Variants in EGF observed in about 807,000 individuals in gnomAD.
EGF encodes the protein pro-epidermal growth factor.
EGF carries 95 observed loss-of-function variants against 143.8 expected under a neutral mutation model. The ratio of observed to expected loss-of-function variants is 0.66; its 90% CI spans 0.56 to 0.78. EGF has a LOEUF of 0.78. EGF is among the 30% of genes least tolerant of loss of function. EGF has a pLI of 0.00. For synonymous variants in EGF, 510 were observed against 510.5 expected (o/e 1.00, Z 0.01); for missense variants, 1,320 against 1,470.9 (o/e 0.90, Z 1.68).
chr4:110,012,727 A>C lies in EGF; in HGVS notation c.*1272A>C, dbSNP rs1754106277. Among the ~76,000 whole-genome samples the C allele has an allele frequency of 6.6e-6, 1 of 152,150 alleles. No individual in the cohort carries two copies. Among genetic ancestry groups the C allele is most frequent in the African/African-American group, 2.4e-5 (1 of 41,430 alleles). On this transcript the variant is annotated 3_prime_UTR_variant, in exon 24 of 24. Transcript: ENST00000265171. ...TGCCCAGCCTTGTAACTTTTAAAAA[A>C]ATTTTTTAATCTACAACTCTGTAGA...
chr4:110,004,479 T>C (rs763565836), intron 21 of EGF, 26 bp from the exon 22 acceptor site: 1 of 1,601,996 alleles, frequency 6.2e-7, no homozygotes, highest in South Asian at 1.1e-5. Flanking sequence ...GTTGTGAGAT[T>C]GTCTCAAATT....
chr4:109,960,667 G>A (rs189719482), intron 6 of EGF, among the ~76,000 whole-genome samples, 200 bp from the exon 7 acceptor site: 1 of 152,222 alleles, frequency 6.6e-6, no homozygotes, highest in Admixed American at 6.5e-5. Flanking sequence ...AGCATAAAAT[G>A]TGACAGAATA....
chr4:109,916,188 A>AGT (rs1736617058), intron 1 of EGF, among the ~76,000 whole-genome samples: 2 of 152,218 alleles, frequency 1.3e-5, no homozygotes, highest in Admixed American at 6.5e-5. Flanking sequence ...CAGTGAAATC[A>AGT]GTGATTTCAG....
chr4:109,959,314 C>T lies in EGF; in HGVS notation c.943C>T (p.Gln315Ter), dbSNP rs1278532957. Residue 315 changes from glutamine (Q) to a stop codon, truncating the protein, a stop_gained and splice_region_variant, in exon 6 of 24, where the codon CAG becomes TAG. Coordinates refer to ENST00000265171, the MANE Select transcript of EGF (RefSeq NM_001963.6). LOFTEE classifies it high-confidence loss of function. ...KAEDDTWEPE[Q>*]KLCKLRKGNC... Reference sequence around the variant, plus strand: ...AAATAAAGCATCTTCTCTTTTAGAGCAGAAACTTTGCAAATTGAGGAAAGG... The same window carrying T: ...AAATAAAGCATCTTCTCTTTTAGAGTAGAAACTTTGCAAATTGAGGAAAGG... 2 of 1,613,920 alleles carry T rather than the reference C, an allele frequency of 1.2e-6. No homozygotes were observed. Among genetic ancestry groups the T allele is most frequent in the Non-Finnish European group, 1.7e-6 (2 of 1,179,866 alleles).
chr4:109,915,861 T>A (rs1475192228), intron 1 of EGF, among the ~76,000 whole-genome samples: 1 of 152,208 alleles, frequency 6.6e-6, no homozygotes, highest in Non-Finnish European at 1.5e-5. Context: ...ATAAACCAAG[T>A]GATAGCAACA....
chr4:109,920,059 T>C (rs1488403117), intron 1 of EGF, among the ~76,000 whole-genome samples: 2 of 151,620 alleles, frequency 1.3e-5, no homozygotes, highest in Admixed American at 1.3e-4. Context: ...TTTAACAAAT[T>C]CATATAGATG....
chr4:109,996,378 CTCA>C (rs1457977591), intron 20 of EGF, among the ~76,000 whole-genome samples: 1 of 152,158 alleles, frequency 6.6e-6, no homozygotes, highest in Non-Finnish European at 1.5e-5. Context: ...GGAGATAAGA[CTCA>C]AATTGAAGGA....
intron 1 of EGF, among the ~76,000 whole-genome samples, chr4:109,927,776 C>T (rs891131152): frequency 6.3e-5 from 9 of 143,896 alleles, no homozygotes; most frequent in African/African-American, 2.4e-4. Context: ...ACTCAGTAGA[C>T]AGATCAGGAT....
intron 1 of EGF, among the ~76,000 whole-genome samples, chr4:109,934,046 A>G (rs950294307): frequency 1.3e-5 from 2 of 152,230 alleles, no homozygotes; most frequent in African/African-American, 2.4e-5. Context: ...CCAACAGTGT[A>G]AAAGTGTTCC....
chr4:109,935,603 G>A (rs1307606235), intron 1 of EGF, among the ~76,000 whole-genome samples: 1 of 152,160 alleles, frequency 6.6e-6, no homozygotes, highest in Non-Finnish European at 1.5e-5. Context: ...GAATAGGAGT[G>A]GTGAGAGAGG....
chr4:109,954,598 G>C (rs988640032), intron 5 of EGF, among the ~76,000 whole-genome samples: 1 of 152,036 alleles, frequency 6.6e-6, no homozygotes, highest in Non-Finnish European at 1.5e-5. Flanking sequence ...AGGAAGTTGA[G>C]GCAGTCATTA....
chr4:110,002,744 A>G (rs1198057267), intron 21 of EGF, among the ~76,000 whole-genome samples: 1 of 151,964 alleles, frequency 6.6e-6, no homozygotes, highest in African/African-American at 2.4e-5. Flanking sequence ...TTTGTTGTAC[A>G]GATTATTTCA....
chr4:109,993,513 T>G, intron 19 of EGF, 144 bp downstream of exon 19: 1 of 1,149,750 alleles, frequency 8.7e-7, no homozygotes, highest in South Asian at 1.6e-5. Context: ...AGGACGATGC[T>G]GGGCTTGAGA....
chr4:109,968,951 G>A lies in EGF; in HGVS notation c.1576-20G>A. On this transcript the variant is annotated intron_variant, in intron 10 of 23. Coordinates refer to ENST00000265171, the MANE Select transcript of EGF (RefSeq NM_001963.6). ...TTAGTTTTAAAAAAAAATCAGAAAT[G>A]CCTGTGTTCTCTTTTGTAGATATAC... 6.2e-7 allele frequency: 1 copy of A among 1,613,892 alleles called. No individual in the cohort carries two copies. The highest frequency in any genetic ancestry group is 8.5e-7 in the Non-Finnish European group (1 of 1,179,908).
At chr4:110,001,700 A>C in intron 21 of EGF, 1 of 985,470 alleles carries the variant, frequency 1.0e-6, no homozygotes, top group Non-Finnish European at 1.2e-6. Flanking sequence ...TGGAATTCAA[A>C]GACCAGCTCA....
chr4:109,952,091 C>G (rs894460573), intron 5 of EGF, among the ~76,000 whole-genome samples: 8 of 152,186 alleles, frequency 5.3e-5, no homozygotes, highest in Admixed American at 2.6e-4. Flanking sequence ...AGCCAGATAT[C>G]CTGGCTGCCC....
intron 22 of EGF, among the ~76,000 whole-genome samples, chr4:110,006,873 C>T (rs142089922): frequency 1.1e-3 from 161 of 152,296 alleles, no homozygotes; most frequent in Middle Eastern, 0.01. Context: ...GAGAGCTGAA[C>T]GCTCAAACTA....
intron 10 of EGF, among the ~76,000 whole-genome samples, chr4:109,967,445 C>T (rs1746783278): frequency 6.6e-6 from 1 of 152,086 alleles, no homozygotes. Flanking sequence ...TTACTACAGC[C>T]TTATAGTATA....
intron 1 of EGF, among the ~76,000 whole-genome samples, chr4:109,928,830 G>A (rs1172108980): frequency 2.0e-5 from 3 of 152,036 alleles, no homozygotes; most frequent in African/African-American, 7.2e-5. Flanking sequence ...GAATTCCAAC[G>A]GGAGGAGGGT....
Sources: gnomAD v4.1 joint callset for allele counts (sites outside exome capture counted in the v4.1 genomes callset) on GRCh38, gnomAD v4.1.1 for gene constraint, MANE v1.5 for transcripts, NCBI Gene and HGNC (gene_info 2026-07-23, HGNC 2026-07-21) for gene names.